The following ART1 variants were observed in gnomAD, a reference collection of about 807,000 sequenced individuals.
The protein encoded by ART1 is GPI-linked NAD(P)(+)--arginine ADP-ribosyltransferase 1.
A neutral mutation model predicts 27.0 loss-of-function variants in ART1; 29 were observed. The observed-to-expected ratio is 1.08, with a 90% confidence interval of 0.80 to 1.47. ART1 has a LOEUF of 1.47. Among genes scored for constraint, ART1 ranks in the 40% most tolerant of loss-of-function variants. ART1 has a pLI of 0.00. For missense variants in ART1, 480 were observed against 423.0 expected, an observed-to-expected ratio of 1.13 and a Z score of -1.18; for synonymous variants, 201 against 172.2, an observed-to-expected ratio of 1.17 and a Z score of -1.31.
At chr11:3,658,290 G>A (rs796281792) in intron 1 of ART1, among the ~76,000 whole-genome samples, 3 of 148,470 alleles carry the variant, frequency 2.0e-5, no homozygotes, top group Admixed American at 6.8e-5. Flanking sequence ...CCGAGATCAC[G>A]CCACTGCACT....
At chr11:3,650,421 C>T (rs913048677) in intron 1 of ART1, among the ~76,000 whole-genome samples, 7 of 152,226 alleles carry the variant, frequency 4.6e-5, no homozygotes, top group African/African-American at 7.2e-5. Flanking sequence ...TGACATTCCC[C>T]GATTGCCTCG....
chr11:3,646,536 A>C (rs1395067369), intron 1 of ART1, among the ~76,000 whole-genome samples: 1 of 152,202 alleles, frequency 6.6e-6, no homozygotes, highest in Non-Finnish European at 1.5e-5. Context: ...TATCACAAGG[A>C]TACCAGGGTA....
intron 1 of ART1, among the ~76,000 whole-genome samples, chr11:3,649,518 CG>C (rs2077500117): frequency 6.6e-6 from 1 of 152,196 alleles, no homozygotes; most frequent in Non-Finnish European, 1.5e-5. Context: ...CCCCAAGTGT[CG>C]CTGAGTCTTT....
intron 1 of ART1, among the ~76,000 whole-genome samples, chr11:3,653,846 C>A (rs2077549789): frequency 1.1e-5 from 1 of 89,286 alleles, no homozygotes; most frequent in Non-Finnish European, 2.3e-5. Context: ...GTAAATTCCA[C>A]CTCCTACCTC....
chr11:3,656,673 G>A (rs1043230622), intron 1 of ART1, among the ~76,000 whole-genome samples: 7 of 152,008 alleles, frequency 4.6e-5, no homozygotes, highest in Middle Eastern at 3.4e-3. Flanking sequence ...TTTATTTTTA[G>A]TAGCAATGGT....
intron 4 of ART1, among the ~76,000 whole-genome samples, chr11:3,663,015 ATCATCTCATC>A (rs201076762): frequency 1.5e-5 from 2 of 133,092 alleles, no homozygotes; most frequent in Non-Finnish European, 3.2e-5. Context: ...ATCTCATCTC[ATCATCTCATC>A]TCATCTCATC....
At chr11:3,653,329 A>G (rs1289337689) in intron 1 of ART1, among the ~76,000 whole-genome samples, 1 of 148,342 alleles carries the variant, frequency 6.7e-6, no homozygotes, top group Non-Finnish European at 1.5e-5. Flanking sequence ...ATTCCACCAC[A>G]AAAGAAGTGA....
At chr11:3,655,697 G>T (rs1393824473) in intron 1 of ART1, 2 of 152,174 alleles carry the variant, frequency 1.3e-5, no homozygotes, top group Non-Finnish European at 2.9e-5. Flanking sequence ...CAACTCGCAG[G>T]AAGGCCTCTG....
rs757914337 is a variant in ART1, at chr11:3,660,323, C to G, written c.804C>G (p.Ala268=). ...GCCCCGCCCGCATCTACCTCCGAGCCCTGGGCAAGCACAGCACCTACAACT... is the reference window on the plus strand; with the variant it reads ...GCCCCGCCCGCATCTACCTCCGAGCGCTGGGCAAGCACAGCACCTACAACT... The part of the protein sequence containing the change: ...AQGPARIYLR[A]LGKHSTYNCE... The change falls in exon 3 of 5, where the codon GCC becomes GCG. Residue 268 remains alanine, a synonymous_variant. Transcript: ENST00000250693. 6.2e-6 allele frequency: 10 copies of G among 1,606,116 alleles called. No homozygotes were observed. The highest frequency in any genetic ancestry group is 1.3e-5 in the African/African-American group (1 of 74,922).
Position 3,659,722 on chromosome 11 carries a change from A to G in ART1, c.203A>G (p.Glu68Gly). ...GCTCTCCCGGATCTCAACCACACGG[A>G]GTTCCAGGCCAACCAGGTGTATGCA... ...TAALPDLNHT[E>G]FQANQVYADS... The change falls in exon 3 of 5, where the codon GAG becomes GGG. Residue 68 changes from glutamate (E) to glycine (G), a missense_variant. Coordinates refer to ENST00000250693, the MANE Select transcript of ART1 (RefSeq NM_004314.3). 3 of 1,614,028 alleles carry G rather than the reference A, an allele frequency of 1.9e-6. No individual in the cohort carries two copies. The highest frequency in any genetic ancestry group is 2.5e-6 in the Non-Finnish European group (3 of 1,180,002).
chr11:3,648,420 C>A (rs930075778), intron 1 of ART1, among the ~76,000 whole-genome samples: 2 of 152,166 alleles, frequency 1.3e-5, no homozygotes, highest in African/African-American at 4.8e-5. Flanking sequence ...CTCAGACCGA[C>A]CAGCGCAAGA....
chr11:3,651,702 A>G (rs1565039872), intron 1 of ART1, among the ~76,000 whole-genome samples: 2 of 142,850 alleles, frequency 1.4e-5, no homozygotes, highest in Non-Finnish European at 3.1e-5. Flanking sequence ...TGATGCATAT[A>G]CTTTCTGATC....
intron 1 of ART1, among the ~76,000 whole-genome samples, chr11:3,651,602 T>TA (rs1407032777): frequency 6.6e-6 from 1 of 151,404 alleles, no homozygotes; most frequent in Non-Finnish European, 1.5e-5. Context: ...GCTGCTTTAA[T>TA]AGTTTTAGAG....
chr11:3,661,490 CTTTTTTTT>C, intron 4 of ART1, 77 bp downstream of exon 4: 16 of 318,490 alleles, frequency 5.0e-5, no homozygotes, highest in Middle Eastern at 9.2e-4. Flanking sequence ...TCACCTCGAT[CTTTTTTTT>C]TTTTTTTTTT....
chr11:3,652,140 C>A (rs368004987), intron 1 of ART1, among the ~76,000 whole-genome samples: 15,841 of 150,074 alleles, frequency 0.11, 959 homozygotes, highest in African/African-American at 0.13. Context: ...GATTTGCCCC[C>A]ACCCAGGACG....
chr11:3,655,158 G>GT (rs1239960615), intron 1 of ART1, among the ~76,000 whole-genome samples: 2 of 152,174 alleles, frequency 1.3e-5, no homozygotes, highest in African/African-American at 4.8e-5. Context: ...CTGGGCTCAG[G>GT]TCTGTTCCTC....
In ART1 at chr11:3,659,237, T is replaced by G; in HGVS notation, c.24T>G (p.Ser8=). Residue 8 remains serine (S), a synonymous_variant, in exon 2 of 5, where the codon TCT becomes TCG. Coordinates refer to ENST00000250693, the MANE Select transcript of ART1 (RefSeq NM_004314.3). ...GCATGCAGATGCCTGCTATGATGTC[T>G]CTGCTTCTTGTGTCTGTGGGCCTCA... MQMPAMM[S]LLLVSVGLME... 6.2e-7 allele frequency: 1 copy of G among 1,614,226 alleles called. No individual in the cohort carries two copies. Among genetic ancestry groups the G allele is most frequent in the South Asian group, 1.1e-5 (1 of 91,078 alleles).
At chr11:3,652,225 T>C (rs976774128) in intron 1 of ART1, among the ~76,000 whole-genome samples, 1 of 150,940 alleles carries the variant, frequency 6.6e-6, no homozygotes, top group Non-Finnish European at 1.5e-5. Flanking sequence ...ACACTTTCAC[T>C]GGATAGGTAC....
rs778468551 is a variant in ART1, at chr11:3,659,620, C to T, written c.101C>T (p.Ser34Phe). The change falls in exon 3 of 5, where the codon TCT becomes TTT. Residue 34 changes from serine (S) to phenylalanine (F), a missense_variant. Transcript: ENST00000250693. ...CCCATCACACGACGAGACCTCTTCT[C>T]TCAAGAGATTCAGCTGGACATGGCC... Reference protein sequence around the residue: ...SHPITRRDLFSQEIQLDMALA... With the variant: ...SHPITRRDLFFQEIQLDMALA... 6.2e-7 allele frequency: 1 copy of T among 1,611,914 alleles called. No individual in the cohort carries two copies. The highest frequency in any genetic ancestry group is 8.5e-7 in the Non-Finnish European group (1 of 1,179,546).
Sources: allele counts gnomAD v4.1 joint callset (sites outside exome capture counted in the v4.1 genomes callset), GRCh38; gene constraint gnomAD v4.1.1; transcripts MANE v1.5; gene names NCBI Gene and HGNC (gene_info 2026-07-23, HGNC 2026-07-21).